DNAH8: variants seen among roughly 807,000 people sequenced by gnomAD.
DNAH8 encodes dynein axonemal heavy chain 8.
Under a neutral mutation model 562.1 loss-of-function variants are expected in DNAH8, and 382 were observed. That is an observed-to-expected ratio of 0.68 (90% CI 0.63 to 0.74). The LOEUF is 0.74. DNAH8 is among the 30% of genes least tolerant of loss of function. The pLI is 0.00. For missense variants in DNAH8, 5,203 were observed against 5,620.4 expected (o/e 0.93, Z 2.37); for synonymous variants, 1,881 against 1,919.4 (o/e 0.98, Z 0.52).
rs1472912107 is a variant in DNAH8, at chr6:38,749,034, G to A, written c.1294-1442G>A. Among the ~76,000 whole-genome samples, 3 of 152,074 alleles carry A rather than the reference G, an allele frequency of 2.0e-5. No individual in the cohort carries two copies. The East Asian group carries it at 5.8e-4, about 29-fold the overall frequency. ...CTGAAGGCTTCCTTTCATTCCTGAG[G>A]CATATGTATTTAGAGTGATGTTGTG... On this transcript the variant is annotated intron_variant, in intron 8 of 92. Coordinates refer to ENST00000327475, the MANE Select transcript of DNAH8 (RefSeq NM_001206927.2).
At chr6:38,825,649 T>C (rs930545543) in intron 28 of DNAH8, among the ~76,000 whole-genome samples, 19 of 152,104 alleles carry the variant, frequency 1.2e-4, no homozygotes, top group African/African-American at 4.6e-4. Flanking sequence ...GTCCATAATA[T>C]AGGTCATGTT....
At chr6:38,917,465 A>G (rs1445252270) in intron 69 of DNAH8, 59 bp downstream of exon 69, 3 of 1,421,580 alleles carry the variant, frequency 2.1e-6, no homozygotes, top group Admixed American at 3.6e-5. Flanking sequence ...TCAGCCCAGG[A>G]CACTCAATAT....
chr6:38,797,558 T>C (rs1770387009), intron 21 of DNAH8, among the ~76,000 whole-genome samples: 2 of 152,148 alleles, frequency 1.3e-5, no homozygotes, highest in African/African-American at 4.8e-5. Flanking sequence ...TGCCCGTTTG[T>C]TTGTGACCAG....
chr6:38,845,100 A>G (rs1489301045), intron 35 of DNAH8, among the ~76,000 whole-genome samples: 1 of 152,148 alleles, frequency 6.6e-6, no homozygotes, highest in Admixed American at 6.5e-5. Flanking sequence ...AGAAAAACCC[A>G]TAAGAAAAAA....
chr6:38,881,951 G>T (rs1778528902), intron 53 of DNAH8, among the ~76,000 whole-genome samples: 1 of 152,048 alleles, frequency 6.6e-6, no homozygotes, highest in Non-Finnish European at 1.5e-5. Context: ...TTTCTGCTAG[G>T]CATCCATTAC....
Position 38,826,028 on chromosome 6 carries a change from C to A in DNAH8, c.3848-128C>A. The A allele has an allele frequency of 1.5e-5, 9 of 613,122 alleles. No homozygotes were observed. In the South Asian group the frequency reaches 2.3e-4, roughly 15 times the overall value. The allele number at this position is 613,122 out of a possible 1,614,324, so 38.0% of individuals were successfully genotyped here. On this transcript the variant is annotated intron_variant, in intron 28 of 92. Coordinates refer to ENST00000327475, the MANE Select transcript of DNAH8 (RefSeq NM_001206927.2). ...TTATAGCACATGTAATTCATACTAACCACATTTCAAGTGTTCAAAAGCCAC... is the reference window on the plus strand; with the variant it reads ...TTATAGCACATGTAATTCATACTAAACACATTTCAAGTGTTCAAAAGCCAC...
intron 24 of DNAH8, among the ~76,000 whole-genome samples, chr6:38,810,561 C>T (rs1282645755): frequency 6.6e-6 from 1 of 151,678 alleles, no homozygotes; most frequent in African/African-American, 2.4e-5. Context: ...CATTGCATTC[C>T]AGCCTGGGCA....
chr6:38,803,597 C>CT (rs1302501821), intron 22 of DNAH8, among the ~76,000 whole-genome samples: 4 of 81,476 alleles, frequency 4.9e-5, no homozygotes, highest in Non-Finnish European at 9.7e-5. Flanking sequence ...TATGCTAACT[C>CT]TATTTTTTTT....
In DNAH8 at chr6:38,882,694, G is replaced by A. The variant is rs862431; in HGVS notation, c.7859-216G>A. 0.68 allele frequency among the ~76,000 whole-genome samples: 103,174 copies of A among 152,022 alleles called. 35,480 individuals are homozygous for A. The highest frequency in any genetic ancestry group is 0.84 in the East Asian group (4,371 of 5,178). ...GACCTGCACATGTATCCCTGAACCT[G>A]AAAGTTTTTTTAAAAGCTGACTTTA... On this transcript the variant is annotated intron_variant, in intron 53 of 92. Coordinates refer to ENST00000327475, the MANE Select transcript of DNAH8 (RefSeq NM_001206927.2).
intron 3 of DNAH8, among the ~76,000 whole-genome samples, chr6:38,727,930 G>T (rs1763358038): frequency 6.6e-6 from 1 of 152,204 alleles, no homozygotes; most frequent in Admixed American, 6.5e-5. Context: ...CCAATCCCAG[G>T]TTCTGTGCTG....
chr6:38,823,564 A>G lies in DNAH8; in HGVS notation c.3723A>G (p.Glu1241=), dbSNP rs2150338402. 3 of 1,601,138 alleles carry G rather than the reference A, an allele frequency of 1.9e-6. 1 individual carries two copies. In the South Asian group the frequency reaches 3.3e-5, roughly 18 times the overall value. ...TATTGACTATTTTCTTACCACAGGAATTTTTGGCTAACAACCCCTCTCTGA... is the reference window on the plus strand; with the variant it reads ...TATTGACTATTTTCTTACCACAGGAGTTTTTGGCTAACAACCCCTCTCTGA... ...WTEDRDVKVK[E]FLANNPSLTE... The change falls in exon 28 of 93, where the codon GAA becomes GAG. Residue 1241 remains glutamate (E), a splice_region_variant and synonymous_variant. Coordinates refer to ENST00000327475, the MANE Select transcript of DNAH8 (RefSeq NM_001206927.2).
chr6:38,750,631 G>C, intron 9 of DNAH8, 42 bp downstream of exon 9: 1 of 1,231,660 alleles, frequency 8.1e-7, no homozygotes, highest in Non-Finnish European at 1.2e-6. Flanking sequence ...TGAGGGCAGT[G>C]GCTCGCATCT....
chr6:38,895,381 T>G (rs1260621899), intron 59 of DNAH8, among the ~76,000 whole-genome samples: 7 of 152,198 alleles, frequency 4.6e-5, no homozygotes. Flanking sequence ...CCAGTATGAC[T>G]TCAACAATAC....
rs372473768 is a variant in DNAH8 at position 38,984,261 on chromosome 6, G to A, written c.13007G>A (p.Arg4336Lys). ...YMIGEVQYGG[R>K]VTDDFDKRLL... ...ATCGGAGAAGTACAATATGGAGGCA[G>A]AGTGACAGATGACTTTGACAAACGT... Residue 4336 changes from arginine to lysine, a missense_variant, in exon 87 of 93, where the codon AGA becomes AAA. By Grantham distance (26) the Arg-to-Lys change is conservative (BLOSUM62 2). Around this residue, in one of 6 missense-constraint regions of DNAH8, gnomAD observed 1,399 missense variants for 1,518.4 expected, o/e 0.92. Coordinates refer to ENST00000327475, the MANE Select transcript of DNAH8 (RefSeq NM_001206927.2). The A allele has an allele frequency of 2.2e-5, 36 of 1,611,466 alleles. No individual in the cohort carries two copies. Among genetic ancestry groups the A allele is most frequent in the Non-Finnish European group, 3.1e-5 (36 of 1,177,556 alleles).
At chr6:39,008,122 G>A (rs984654714) in intron 88 of DNAH8, among the ~76,000 whole-genome samples, 31 of 152,048 alleles carry the variant, frequency 2.0e-4, no homozygotes, top group African/African-American at 7.0e-4. Context: ...TCCCTCCACA[G>A]CACTTGTTAG....
chr6:38,804,148 G>C (rs1382838740), intron 22 of DNAH8, among the ~76,000 whole-genome samples: 18 of 152,056 alleles, frequency 1.2e-4, no homozygotes, highest in Admixed American at 1.2e-3. Context: ...GGTTCTAATA[G>C]TTTCAGTTTT....
intron 5 of DNAH8, among the ~76,000 whole-genome samples, chr6:38,736,628 G>A (rs991226467): frequency 6.6e-6 from 1 of 152,014 alleles, no homozygotes; most frequent in Admixed American, 6.6e-5. Flanking sequence ...TCACGCATGG[G>A]TGGTGGGCTT....
chr6:38,809,752 AGTGTGATT>A (rs1307579144), intron 24 of DNAH8, among the ~76,000 whole-genome samples: 2 of 152,126 alleles, frequency 1.3e-5, no homozygotes, highest in Non-Finnish European at 2.9e-5. Context: ...CAATTCTCCC[AGTGTGATT>A]GTGGATTTAT....
At chr6:38,771,345 T>C (rs527392024) in intron 12 of DNAH8, among the ~76,000 whole-genome samples, 2 of 152,318 alleles carry the variant, frequency 1.3e-5, no homozygotes, top group African/African-American at 4.8e-5. Context: ...CCTTCATACA[T>C]ACTTCTTTGA....
Sources: gnomAD v4.1 joint callset for allele counts (sites outside exome capture counted in the v4.1 genomes callset) on GRCh38, gnomAD v4.1.1 for gene constraint, gnomAD v4.1.1 regional missense constraint, MANE v1.5 for transcripts, NCBI Gene and HGNC (gene_info 2026-07-23, HGNC 2026-07-21) for gene names.